VCF1: variants seen among roughly 807,000 people sequenced by gnomAD.
VCF1 encodes VCP nuclear cofactor family member 1.
the VCF1 span, among the ~76,000 whole-genome samples, chr17:73,219,852 G>A: frequency 1.4e-4 from 21 of 151,810 alleles, no homozygotes; most frequent in African/African-American, 5.1e-4. Flanking sequence ...GTGCGCGCCT[G>A]TAGTCCCAGT....
the VCF1 span, chr17:73,232,047 C>T: frequency 6.5e-7 from 1 of 1,545,612 alleles, no homozygotes; most frequent in Non-Finnish European, 8.7e-7. Flanking sequence ...CTCCCAGATC[C>T]TCAGGCGACG....
chr17:73,225,906 T>C, the VCF1 span, among the ~76,000 whole-genome samples: 1 of 129,638 alleles, frequency 7.7e-6, no homozygotes, highest in South Asian at 2.4e-4. Flanking sequence ...TATATTTTTT[T>C]TTTTTTTTTT....
chr17:73,219,000 G>A, the VCF1 span, among the ~76,000 whole-genome samples: 4 of 151,526 alleles, frequency 2.6e-5, no homozygotes, highest in Non-Finnish European at 4.4e-5. Flanking sequence ...GGCCTGGATG[G>A]CAGAGCGAGA....
the VCF1 span, among the ~76,000 whole-genome samples, chr17:73,222,020 A>G: frequency 8.0e-6 from 1 of 125,512 alleles, no homozygotes; most frequent in Admixed American, 9.9e-5. Flanking sequence ...CTGGGGAAAG[A>G]GCGAGACTCT....
chr17:73,224,950 CACAGGACAGG>C, the VCF1 span, among the ~76,000 whole-genome samples: 5 of 89,528 alleles, frequency 5.6e-5, no homozygotes, highest in Admixed American at 1.1e-4. Flanking sequence ...CACAGCACAG[CACAGGACAGG>C]ACAGCACAGC....
the VCF1 span, among the ~76,000 whole-genome samples, chr17:73,230,644 G>A: frequency 3.3e-5 from 5 of 152,082 alleles, no homozygotes; most frequent in African/African-American, 7.2e-5. Context: ...TGATCCGCCC[G>A]CCTTGACTTC....
chr17:73,228,593 T>G, the VCF1 span, among the ~76,000 whole-genome samples: 1 of 152,194 alleles, frequency 6.6e-6, no homozygotes, highest in Non-Finnish European at 1.5e-5. Context: ...CTGGGCTATG[T>G]AATTTACTTC....
chr17:73,212,838 T>G, the VCF1 span: 1 of 781,512 alleles, frequency 1.3e-6, no homozygotes, highest in Non-Finnish European at 2.0e-6. Flanking sequence ...AGGGTGATGC[T>G]ACTCTAAGAA....
At chr17:73,232,264 C>T in the VCF1 span, 2 of 1,608,984 alleles carry the variant, frequency 1.2e-6, no homozygotes, top group Non-Finnish European at 1.7e-6. Flanking sequence ...TCAGTCGGAC[C>T]CGTACCACCA....
chr17:73,211,013 C>T, the VCF1 span, among the ~76,000 whole-genome samples: 1 of 152,144 alleles, frequency 6.6e-6, no homozygotes, highest in Non-Finnish European at 1.5e-5. Flanking sequence ...GTATTCAGCA[C>T]ATGAGAAAGA....
the VCF1 span, among the ~76,000 whole-genome samples, chr17:73,230,063 G>A: frequency 5.3e-4 from 80 of 152,108 alleles, no homozygotes; most frequent in Middle Eastern, 3.4e-3. Flanking sequence ...TTGGGATGCC[G>A]AGGCGGGTGG....
chr17:73,219,517 G>T, the VCF1 span, among the ~76,000 whole-genome samples: 1 of 151,560 alleles, frequency 6.6e-6, no homozygotes, highest in South Asian at 2.1e-4. Flanking sequence ...GGGTGTGGTG[G>T]CAGGCGCCTG....
At chr17:73,229,390 A>C in the VCF1 span, 1 of 985,462 alleles carries the variant, frequency 1.0e-6, no homozygotes, top group Non-Finnish European at 1.2e-6. Context: ...CATTAATGCC[A>C]CAGACCAGGT....
At chr17:73,232,128 C>G in the VCF1 span, 13 of 1,610,062 alleles carry the variant, frequency 8.1e-6, no homozygotes, top group Non-Finnish European at 7.6e-6. Flanking sequence ...CGGATGGAAG[C>G]TACGCGGCGC....
the VCF1 span, among the ~76,000 whole-genome samples, chr17:73,225,868 ATATATATATAT>A: frequency 1.2e-5 from 1 of 85,352 alleles, no homozygotes; most frequent in African/African-American, 4.5e-5. Context: ...TAGGAAAAAA[ATATATATATAT>A]ATAATATATA....
At chr17:73,220,847 T>C in the VCF1 span, among the ~76,000 whole-genome samples, 4 of 151,118 alleles carry the variant, frequency 2.6e-5, no homozygotes, top group East Asian at 1.9e-4. Context: ...TTAAAAAAAA[T>C]TGAGGTCTTT....
At chr17:73,212,706 C>G in the VCF1 span, 19 of 1,595,210 alleles carry the variant, frequency 1.2e-5, no homozygotes, top group South Asian at 2.1e-4. Context: ...TCCTCTTAGT[C>G]TGTTTTCTTT....
At chr17:73,217,947 G>C in the VCF1 span, among the ~76,000 whole-genome samples, 2 of 151,608 alleles carry the variant, frequency 1.3e-5, no homozygotes, top group Non-Finnish European at 2.9e-5. Context: ...ACTCCAGCCT[G>C]GGCGACAGAG....
chr17:73,226,281 G>A, the VCF1 span, among the ~76,000 whole-genome samples: 14 of 152,224 alleles, frequency 9.2e-5, no homozygotes, highest in African/African-American at 2.7e-4. Context: ...CTTGTTCACT[G>A]TCTCTGAATG....
Sources: allele counts gnomAD v4.1 joint callset (sites outside exome capture counted in the v4.1 genomes callset), GRCh38; gene constraint gnomAD v4.1.1; transcripts MANE v1.5; gene names NCBI Gene and HGNC (gene_info 2026-07-23, HGNC 2026-07-21).